The following IL17RB variants were observed in gnomAD, a reference collection of about 807,000 sequenced individuals.
IL17RB encodes the protein interleukin 17 receptor B.
A neutral mutation model predicts 43.9 loss-of-function variants in IL17RB; 36 were observed. That is an observed-to-expected ratio of 0.82 (90% confidence interval 0.63 to 1.08). The LOEUF (loss-of-function observed/expected upper bound fraction) is 1.08. IL17RB is among the 50% of genes least tolerant of loss of function. IL17RB has a pLI of 0.00. For missense variants in IL17RB, 613 were observed against 613.6 expected, an observed-to-expected ratio of 1.00 and a Z score of 0.01; for synonymous variants, 225 against 225.4, an observed-to-expected ratio of 1.00 and a Z score of 0.02.
In IL17RB at chr3:53,855,274, A is replaced by T. The variant is rs1356302844; in HGVS notation, c.482-20A>T. ...AGATACCTTTTTCTAAAATGTAAAA[A>T]CTTTCATTCAAATTTCCAGGCTGCC... is the stretch of plus-strand genomic sequence containing the variant. On this transcript the variant is annotated intron_variant, in intron 5 of 10. Transcript: ENST00000288167. 6.3e-7 allele frequency: 1 copy of T among 1,583,102 alleles called. No individual in the cohort carries two copies. Among genetic ancestry groups the T allele is most frequent in the Non-Finnish European group, 8.7e-7 (1 of 1,153,670 alleles).
intron 6 of IL17RB, 23 bp downstream of exon 6, chr3:53,855,364 T>G: frequency 6.5e-7 from 1 of 1,539,910 alleles, no homozygotes; most frequent in East Asian, 2.2e-5. Context: ...GGCATTTGCT[T>G]TTATTATTTG....
chr3:53,858,846 G>T (rs763537791), intron 9 of IL17RB, 28 bp downstream of exon 9: 3 of 1,558,896 alleles, frequency 1.9e-6, no homozygotes, highest in Non-Finnish European at 2.7e-6. Context: ...TCAACCAGAT[G>T]ATCAAAGTGG....
In IL17RB at chr3:53,846,592, T is replaced by C. The variant is rs1270874809; in HGVS notation, c.4T>C (p.Ser2Pro). 1 of 1,583,118 alleles carries C rather than the reference T, an allele frequency of 6.3e-7. No individual in the cohort carries two copies. The highest frequency in any genetic ancestry group is 1.1e-5 in the South Asian group (1 of 87,334). M[S>P]LVLLSLAALC... ...GATCCCGCGCAGTGGCCCGGCGATG[T>C]CGCTCGTGCTGCTAAGCCTGGCCGC... Residue 2 changes from serine to proline, a missense_variant, in exon 1 of 11, where the codon TCG becomes CCG. Coordinates refer to ENST00000288167, the MANE Select transcript of IL17RB (RefSeq NM_018725.4).
chr3:53,865,627 T>C lies in IL17RB; in HGVS notation c.*319T>C, dbSNP rs1029370244. 3.9e-6 allele frequency: 1 copy of C among 257,348 alleles called. No homozygotes were observed. Among genetic ancestry groups the C allele is most frequent in the Non-Finnish European group, 7.4e-6 (1 of 135,194 alleles). 15.9% of individuals were successfully genotyped at this position (257,348 alleles called of 1,614,324 possible). A position where few individuals can be genotyped will look rare whatever the true frequency, so the allele number is the denominator to read the frequency against. ...GTCTTCCATAGACCATGCATTGCAGTGTACCCAGAACTGTTTAGCTAATAT... is the reference window on the plus strand; with the variant it reads ...GTCTTCCATAGACCATGCATTGCAGCGTACCCAGAACTGTTTAGCTAATAT... On this transcript the variant is annotated 3_prime_UTR_variant, in exon 11 of 11. Coordinates refer to ENST00000288167, the MANE Select transcript of IL17RB (RefSeq NM_018725.4).
chr3:53,846,756 C>A, intron 1 of IL17RB, 108 bp downstream of exon 1: 2 of 1,181,352 alleles, frequency 1.7e-6, no homozygotes, highest in Non-Finnish European at 2.3e-6. Context: ...CGCGGACTGC[C>A]GGCTCAAGGG....
rs768136335 is a variant in IL17RB at position 53,852,124 on chromosome 3, AAAGT to A, written c.354+2_354+5del. The A allele has an allele frequency of 3.4e-4, 544 of 1,613,776 alleles. No homozygotes were observed. Among genetic ancestry groups the A allele is most frequent in the Non-Finnish European group, 2.9e-4 (343 of 1,179,976 alleles). On this transcript the variant is annotated splice_donor_variant and coding_sequence_variant, in exon 4 of 11. Coordinates refer to ENST00000288167, the MANE Select transcript of IL17RB (RefSeq NM_018725.4). LOFTEE classifies it high-confidence loss of function. ...GACTCAGACCAGACCCTCTGGTGGT[AAAGT>A]AAGCACTTTTTTGTTTTTTGTTTTG... is the stretch of plus-strand genomic sequence containing the variant.
chr3:53,858,471 T>C (rs924150281), intron 8 of IL17RB: 32 of 1,323,276 alleles, frequency 2.4e-5, no homozygotes, highest in Non-Finnish European at 3.0e-5. Context: ...GTAAGCGAAC[T>C]GGTATGTTAG....
At chr3:53,852,270 C>A in intron 4 of IL17RB, 144 bp downstream of exon 4, 1 of 755,792 alleles carries the variant, frequency 1.3e-6, no homozygotes, top group Non-Finnish European at 2.1e-6. Context: ...GCCTCCCAAG[C>A]AGCTGGGACT....
chr3:53,858,929 T>TG, intron 9 of IL17RB, 111 bp downstream of exon 9: 1 of 790,458 alleles, frequency 1.3e-6, no homozygotes, highest in Non-Finnish European at 2.1e-6. Context: ...AAGGGGTCGC[T>TG]GCCTGTGTAC....
intron 6 of IL17RB, 24 bp downstream of exon 6, chr3:53,855,365 T>G (rs1205169830): frequency 2.0e-6 from 3 of 1,532,906 alleles, no homozygotes; most frequent in African/African-American, 2.7e-5. Flanking sequence ...GCATTTGCTT[T>G]TATTATTTGA....
intron 10 of IL17RB, among the ~76,000 whole-genome samples, chr3:53,863,933 C>T (rs111560799): frequency 0.014 from 2,172 of 151,942 alleles, 53 homozygotes; most frequent in African/African-American, 0.05. Context: ...AGTGAACCTC[C>T]CACCTTAGCC....
chr3:53,849,553 T>C, intron 2 of IL17RB, 102 bp from the exon 3 acceptor site: 2 of 1,027,618 alleles, frequency 1.9e-6, no homozygotes, highest in Non-Finnish European at 2.7e-6. Context: ...AAGTGAGGAA[T>C]TGTGAATGGG....
intron 10 of IL17RB, chr3:53,861,465 C>T (rs970166643): frequency 3.9e-5 from 6 of 152,160 alleles, no homozygotes; most frequent in South Asian, 4.1e-4. Flanking sequence ...CACCAGCAGA[C>T]ATGAAAACCT....
At chr3:53,857,822 G>A in intron 8 of IL17RB, 132 bp downstream of exon 8, 1 of 810,030 alleles carries the variant, frequency 1.2e-6, no homozygotes. Flanking sequence ...TGGCGTTCAT[G>A]GGGGCTCTTT....
At position 53,848,646 on chromosome 3, in the gene IL17RB, G is replaced by GT. The variant is rs5849009; in HGVS notation, c.61-12dup. 1,573,100 of 1,613,400 alleles carry GT rather than the reference G, an allele frequency of 0.98. 767,900 individuals carry two copies. The highest frequency in any genetic ancestry group is 0.99 in the Non-Finnish European group (1,162,228 of 1,179,400). ...TTTGCCGGCTTCAACGTGACGCTTG[G>GT]TTTTTTCTCTCCCACAGACCGTTCA... On this transcript the variant is annotated splice_polypyrimidine_tract_variant and intron_variant, in intron 1 of 10. Coordinates refer to ENST00000288167, the MANE Select transcript of IL17RB (RefSeq NM_018725.4).
At chr3:53,846,728 G>A (rs1698915480) in intron 1 of IL17RB, 80 bp downstream of exon 1, 1 of 1,441,694 alleles carries the variant, frequency 6.9e-7, no homozygotes, top group Non-Finnish European at 9.3e-7. Context: ...CGCCAGTCCA[G>A]GCTGCCCCGA....
Position 53,865,007 on chromosome 3 carries a change from T to G in IL17RB, c.1208T>G (p.Val403Gly), listed in dbSNP as rs755066477. The G allele has an allele frequency of 1.2e-6, 2 of 1,614,066 alleles. No individual in the cohort carries two copies. The highest frequency in any genetic ancestry group is 2.2e-5 in the South Asian group (2 of 91,088). The change falls in exon 11 of 11, where the codon GTG (valine) becomes GGG (glycine). Residue 403 changes from valine (V) to glycine (G), a missense_variant. Physicochemically the swap from Val to Gly is moderately radical, Grantham distance 109 (BLOSUM62 -3). Transcript: ENST00000288167. ...VFLLSNDVNSVCDGTCGKSEG... is the reference protein window; with the variant it reads ...VFLLSNDVNSGCDGTCGKSEG... ...CTTCTTTCCAATGACGTCAACAGTG[T>G]GTGCGATGGTACCTGTGGCAAGAGC...
Position 53,865,472 on chromosome 3 carries a change from T to A in IL17RB, c.*164T>A. On this transcript the variant is annotated 3_prime_UTR_variant, in exon 11 of 11. Transcript: ENST00000288167. ...TCAAATATTGCTAACTAATGTAGCA[T>A]TAACTAACGATTGGAAACTACATTT... The A allele has an allele frequency of 3.6e-6, 2 of 556,902 alleles. No homozygotes were observed. The highest frequency in any genetic ancestry group is 6.2e-6 in the Non-Finnish European group (2 of 321,952). 34.5% of individuals were successfully genotyped at this position (556,902 alleles called of 1,614,324 possible).
At position 53,865,533 on chromosome 3, in the gene IL17RB, T is replaced by C; in HGVS notation, c.*225T>C. The C allele has an allele frequency of 2.0e-6, 1 of 501,358 alleles. No homozygotes were observed. Among genetic ancestry groups the C allele is most frequent in the Non-Finnish European group, 3.5e-6 (1 of 285,402 alleles). The allele number at this position is 501,358 out of a possible 1,614,324, so 31.1% of individuals were successfully genotyped here. Reference sequence around the variant, plus strand: ...AGCTGTTTTATACATAGAAATCAATTACAGTTTTAATTGAAAACTATAACC... The same window carrying C: ...AGCTGTTTTATACATAGAAATCAATCACAGTTTTAATTGAAAACTATAACC... On this transcript the variant is annotated 3_prime_UTR_variant, in exon 11 of 11. Transcript: ENST00000288167.
Sources: gnomAD v4.1 joint callset for allele counts (sites outside exome capture counted in the v4.1 genomes callset) on GRCh38, gnomAD v4.1.1 for gene constraint, MANE v1.5 for transcripts, NCBI Gene and HGNC (gene_info 2026-07-23, HGNC 2026-07-21) for gene names.